The following ARRDC5 variants were observed in gnomAD, a reference collection of about 807,000 sequenced individuals.
The protein encoded by ARRDC5 is arrestin domain-containing protein 5.
Under a neutral mutation model 13.3 loss-of-function variants are expected in ARRDC5, and 12 were observed. The observed-to-expected ratio is 0.90, with a 90% confidence interval of 0.58 to 1.46. ARRDC5 has a LOEUF of 1.46. Ranked by LOEUF, ARRDC5 falls within the 40% of genes most tolerant of loss-of-function variation. ARRDC5 has a pLI of 0.00. For missense variants in ARRDC5, 406 were observed against 418.7 expected, an observed-to-expected ratio of 0.97 and a Z score of 0.26; for synonymous variants, 181 against 173.4, an observed-to-expected ratio of 1.04 and a Z score of -0.34.
At chr19:4,913,702 T>C in the ARRDC5 span, among the ~76,000 whole-genome samples, 3 of 152,100 alleles carry the variant, frequency 2.0e-5, no homozygotes, top group Non-Finnish European at 4.4e-5. Flanking sequence ...CTGAATTTCG[T>C]CTCCCAGGTC....
rs1330165810 is a variant in ARRDC5, at chr19:4,891,521, T to C, written c.512A>G (p.Gln171Arg). The C allele has an allele frequency of 6.2e-7, 1 of 1,613,858 alleles. No homozygotes were observed. Among genetic ancestry groups the C allele is most frequent in the East Asian group, 2.2e-5 (1 of 44,876 alleles). The change falls in exon 3 of 3, where the codon CAG becomes CGG. Residue 171 changes from glutamine to arginine, a missense_variant. By Grantham distance (43) the Gln-to-Arg change is conservative. Transcript: ENST00000650722. ...EEKVSYNCCR[Q>R]GTVCLQIQME... ...CTGGATTTGCAAACAGACAGTGCCC[T>C]GGCGGCAGCAGTTGTAGGAGACTTT...
chr19:4,896,770 T>C lies in ARRDC5; in HGVS notation c.360A>G (p.Val120=). The C allele has an allele frequency of 1.2e-6, 2 of 1,613,786 alleles. No individual in the cohort carries two copies. The highest frequency in any genetic ancestry group is 1.3e-5 in the African/African-American group (1 of 75,018). Residue 120 remains valine, a synonymous_variant, in exon 2 of 3, where the codon GTA becomes GTG. Transcript: ENST00000650722. The stretch of plus-strand genomic sequence containing the variant: ...GTTCCCTGCCCATGCAGGAAGCTTG[T>C]ACGAAATAGAAGACATGGCCAAATT... ...TSKFGHVFYF[V]QASCMGREHI...
chr19:4,907,478 A>G (rs2032088064), upstream of ARRDC5, among the ~76,000 whole-genome samples: 1 of 152,030 alleles, frequency 6.6e-6, no homozygotes, highest in Non-Finnish European at 1.5e-5. Flanking sequence ...CATGTTGACC[A>G]GGCTAGTCTG....
At chr19:4,900,795 G>A (rs1266332307) in intron 1 of ARRDC5, among the ~76,000 whole-genome samples, 1 of 152,070 alleles carries the variant, frequency 6.6e-6, no homozygotes, top group Non-Finnish European at 1.5e-5. Flanking sequence ...CAAGGTGGGC[G>A]GATCACCTGA....
upstream of ARRDC5, among the ~76,000 whole-genome samples, chr19:4,906,735 A>G (rs1280328402): frequency 6.6e-6 from 1 of 152,212 alleles, no homozygotes; most frequent in Non-Finnish European, 1.5e-5. Flanking sequence ...GCTGGGCACC[A>G]AAGCAAGACT....
intron 1 of ARRDC5, among the ~76,000 whole-genome samples, chr19:4,901,510 A>G (rs1185166288): frequency 6.6e-6 from 1 of 151,820 alleles, no homozygotes; most frequent in Non-Finnish European, 1.5e-5. Flanking sequence ...GCCACTCAGG[A>G]GGCTGAGGCA....
chr19:4,899,311 C>A (rs78645964), intron 1 of ARRDC5, among the ~76,000 whole-genome samples: 4 of 141,150 alleles, frequency 2.8e-5, no homozygotes, highest in Non-Finnish European at 6.2e-5. Flanking sequence ...GACTCCATCT[C>A]AAAAAAAAAA....
chr19:4,891,614 G>A (rs529328299), intron 2 of ARRDC5, 41 bp from the exon 3 acceptor site: 10 of 1,561,028 alleles, frequency 6.4e-6, no homozygotes, highest in Admixed American at 5.6e-5. Context: ...GAGGGACCAG[G>A]ACCACAAAAT....
the ARRDC5 span, among the ~76,000 whole-genome samples, chr19:4,913,420 A>C: frequency 6.6e-6 from 1 of 151,680 alleles, no homozygotes; most frequent in African/African-American, 2.4e-5. Flanking sequence ...CGCCTGATTA[A>C]TTTTTTGTAT....
chr19:4,906,256 G>C (rs1027202626), upstream of ARRDC5, among the ~76,000 whole-genome samples: 4 of 152,182 alleles, frequency 2.6e-5, no homozygotes, highest in African/African-American at 9.7e-5. Flanking sequence ...TGGGATTGCA[G>C]GTGTGAGCCA....
chr19:4,906,991 C>T (rs886074824), upstream of ARRDC5, among the ~76,000 whole-genome samples: 2 of 152,130 alleles, frequency 1.3e-5, no homozygotes, highest in African/African-American at 4.8e-5. Context: ...TGTGCAGTAG[C>T]GTTGATCGTG....
intron 1 of ARRDC5, among the ~76,000 whole-genome samples, chr19:4,897,164 C>T (rs912378120): frequency 3.3e-5 from 5 of 152,124 alleles, no homozygotes; most frequent in Non-Finnish European, 2.9e-5. Context: ...GTCATGTTGT[C>T]CATCCTGGTC....
At chr19:4,896,405 C>CACACACACACATAT (rs539564532) in intron 2 of ARRDC5, among the ~76,000 whole-genome samples, 1 of 106,366 alleles carries the variant, frequency 9.4e-6, no homozygotes, top group African/African-American at 4.0e-5. Flanking sequence ...CACACACACA[C>CACACACACACATAT]ATATATATAA....
chr19:4,910,929 C>G, the ARRDC5 span: 1 of 1,613,438 alleles, frequency 6.2e-7, no homozygotes, highest in Non-Finnish European at 8.5e-7. Context: ...CAGACCCACA[C>G]GGTGGACTCG....
the ARRDC5 span, among the ~76,000 whole-genome samples, chr19:4,915,623 C>T: frequency 2.6e-5 from 4 of 151,994 alleles, no homozygotes; most frequent in African/African-American, 9.7e-5. Flanking sequence ...GCAGGAGAAT[C>T]GCTTGAACCT....
the ARRDC5 span, chr19:4,909,209 G>C: frequency 2.1e-6 from 1 of 470,142 alleles, no homozygotes; most frequent in Non-Finnish European, 3.8e-6. Flanking sequence ...AGAGTTCAGG[G>C]GGTCTGTACC....
the ARRDC5 span, among the ~76,000 whole-genome samples, chr19:4,909,918 G>A: frequency 6.6e-6 from 1 of 151,422 alleles, no homozygotes; most frequent in African/African-American, 2.4e-5. Context: ...AGCCGCCGGG[G>A]AGGATGTCAG....
chr19:4,909,854 C>G, the ARRDC5 span: 11 of 386,422 alleles, frequency 2.8e-5, no homozygotes, highest in Non-Finnish European at 4.1e-5. Flanking sequence ...ACCAGCGCTG[C>G]GTCCCCGGAG....
upstream of ARRDC5, among the ~76,000 whole-genome samples, chr19:4,906,689 G>T (rs1224995476): frequency 1.3e-5 from 2 of 152,154 alleles, no homozygotes; most frequent in African/African-American, 2.4e-5. Flanking sequence ...GGAGGTGGAG[G>T]TTGCGGAGAG....
Sources: allele counts gnomAD v4.1 joint callset (sites outside exome capture counted in the v4.1 genomes callset), GRCh38; gene constraint gnomAD v4.1.1; transcripts MANE v1.5; gene names NCBI Gene and HGNC (gene_info 2026-07-23, HGNC 2026-07-21).